CNTNAP5: variants seen among roughly 807,000 people sequenced by gnomAD.
CNTNAP5 encodes the protein contactin-associated protein-like 5.
Under a neutral mutation model 150.2 loss-of-function variants are expected in CNTNAP5, and 72 were observed. The observed-to-expected ratio is 0.48, with a 90% CI of 0.40 to 0.58. The LOEUF is 0.58. Ranked by LOEUF, CNTNAP5 falls within the 20% of genes least tolerant of loss-of-function variation. The pLI is 0.00. For missense variants in CNTNAP5, 1,636 were observed against 1,626.2 expected (o/e 1.01, Z -0.10); for synonymous variants, 672 against 619.8 (o/e 1.08, Z -1.25).
chr2:124,392,302 A>C (rs577617666), intron 3 of CNTNAP5, among the ~76,000 whole-genome samples: 112 of 152,284 alleles, frequency 7.4e-4, no homozygotes, highest in African/African-American at 2.5e-3. Flanking sequence ...ATGCTCAACA[A>C]CTGCCCATGA....
intron 12 of CNTNAP5, among the ~76,000 whole-genome samples, chr2:124,621,821 T>C (rs960038407): frequency 6.6e-6 from 1 of 152,146 alleles, no homozygotes; most frequent in African/African-American, 2.4e-5. Context: ...TCTTAGGATG[T>C]TGTTAATTTT....
intron 19 of CNTNAP5, among the ~76,000 whole-genome samples, chr2:124,814,632 C>T (rs7589109): frequency 0.047 from 7,112 of 151,834 alleles, 523 homozygotes; most frequent in African/African-American, 0.16. Context: ...GGTTCATCTT[C>T]AAAAGAGTTC....
chr2:124,209,808 G>A (rs1685961513), intron 1 of CNTNAP5, among the ~76,000 whole-genome samples: 1 of 152,114 alleles, frequency 6.6e-6, no homozygotes, highest in African/African-American at 2.4e-5. Flanking sequence ...ATACACAAAA[G>A]ACCCCATAAA....
chr2:124,045,660 C>T (rs894138101), intron 1 of CNTNAP5, among the ~76,000 whole-genome samples: 2 of 152,168 alleles, frequency 1.3e-5, no homozygotes, highest in African/African-American at 4.8e-5. Context: ...TATCTCTTAA[C>T]ACCCTCCGAT....
chr2:124,713,253 CT>C lies in CNTNAP5; in HGVS notation c.2078-33973del, dbSNP rs1200547202. Among the ~76,000 whole-genome samples the C allele has an allele frequency of 4.1e-4, 40 of 97,464 alleles. 7 individuals carry two copies. The highest frequency in any genetic ancestry group is 7.5e-4 in the Non-Finnish European group (34 of 45,128). The allele number at this position is 97,464 out of a possible 152,430, so 63.9% of individuals were successfully genotyped here. A position where few individuals can be genotyped will look rare whatever the true frequency, so the allele number is the denominator to read the frequency against. ...TTTCTTTCTTTCTTTCTCTTTCTTT[CT>C]TTCTTTCTTTCTTTCTTTCTTTCTT... On this transcript the variant is annotated intron_variant, in intron 13 of 23. Coordinates refer to ENST00000682447, the MANE Select transcript of CNTNAP5 (RefSeq NM_001367498.1).
intron 4 of CNTNAP5, among the ~76,000 whole-genome samples, chr2:124,431,276 GA>G (rs1692371888): frequency 1.3e-5 from 2 of 152,068 alleles, no homozygotes; most frequent in Non-Finnish European, 2.9e-5. Context: ...TCATAGTAAC[GA>G]TGATGAATGG....
rs1251966994 is a variant in CNTNAP5 at position 124,434,517 on chromosome 2, C to T, written c.563C>T (p.Ser188Leu). ...SDVADFDGRS[S>L]LLYRFNQKLM... ...GTTGCTGACTTTGATGGCCGAAGCT[C>T]ACTTCTGTACAGGTTCAATCAGAAG... The change falls in exon 5 of 24, where the codon TCA becomes TTA. Residue 188 changes from serine (S) to leucine (L), a missense_variant. Transcript: ENST00000682447. 2.5e-6 allele frequency: 4 copies of T among 1,613,782 alleles called. No homozygotes were observed. The African/African-American group carries it at 4.0e-5, about 16-fold the overall frequency.
At chr2:124,497,880 C>T (rs1694189264) in intron 7 of CNTNAP5, among the ~76,000 whole-genome samples, 1 of 152,154 alleles carries the variant, frequency 6.6e-6, no homozygotes, top group African/African-American at 2.4e-5. Context: ...TGAAGTTCTT[C>T]GTCTGTGTAA....
intron 3 of CNTNAP5, among the ~76,000 whole-genome samples, chr2:124,282,780 T>G (rs1688045333): frequency 6.6e-6 from 1 of 152,120 alleles, no homozygotes; most frequent in Admixed American, 6.6e-5. Context: ...AAAGAACAGT[T>G]TTTCTAAAGT....
At chr2:124,715,759 C>G (rs1679931731) in intron 13 of CNTNAP5, among the ~76,000 whole-genome samples, 2 of 152,134 alleles carry the variant, frequency 1.3e-5, no homozygotes, top group African/African-American at 4.8e-5. Context: ...GGTGACAATA[C>G]TCTCCCGAAA....
At chr2:124,258,317 A>G (rs1288221357) in intron 3 of CNTNAP5, among the ~76,000 whole-genome samples, 3 of 152,192 alleles carry the variant, frequency 2.0e-5, no homozygotes, top group Non-Finnish European at 4.4e-5. Context: ...CTCTTTGTAC[A>G]TGACCAAAGA....
chr2:124,870,624 C>T (rs1677725742), intron 21 of CNTNAP5, among the ~76,000 whole-genome samples: 1 of 150,946 alleles, frequency 6.6e-6, no homozygotes, highest in Non-Finnish European at 1.5e-5. Context: ...CTGACTCTCT[C>T]TCTATCACAG....
chr2:124,557,995 G>A (rs901691302), intron 10 of CNTNAP5, among the ~76,000 whole-genome samples: 1 of 152,136 alleles, frequency 6.6e-6, no homozygotes, highest in African/African-American at 2.4e-5. Context: ...AGATCAATAA[G>A]AACTGGAAGA....
chr2:124,764,043 C>A lies in CNTNAP5; in HGVS notation c.2429C>A (p.Ala810Glu), dbSNP rs779303965. 17 of 1,612,942 alleles carry A rather than the reference C, an allele frequency of 1.1e-5. No individual in the cohort carries two copies. Among genetic ancestry groups the A allele is most frequent in the Non-Finnish European group, 1.3e-5 (15 of 1,179,212 alleles). The stretch of plus-strand genomic sequence containing the variant: ...TACCTCCACTTTCCTACCTTCCATG[C>A]GGAATTCAGTGCCGATATTTCCTTC... The part of the protein sequence containing the change: ...ASYLHFPTFH[A>E]EFSADISFFF... The change falls in exon 16 of 24, where the codon GCG (alanine) becomes GAG (glutamate). Residue 810 changes from alanine to glutamate, a missense_variant. Ala to Glu is a moderately radical substitution (Grantham distance 107). Coordinates refer to ENST00000682447, the MANE Select transcript of CNTNAP5 (RefSeq NM_001367498.1).
chr2:124,569,717 C>A (rs1218349455), intron 11 of CNTNAP5, among the ~76,000 whole-genome samples: 1 of 152,210 alleles, frequency 6.6e-6, no homozygotes, highest in East Asian at 1.9e-4. Flanking sequence ...CCCTTTAGCT[C>A]ATTTTTCAGC....
At chr2:124,252,270 G>C (rs574173423) in intron 3 of CNTNAP5, among the ~76,000 whole-genome samples, 1 of 152,296 alleles carries the variant, frequency 6.6e-6, no homozygotes, top group South Asian at 2.1e-4. Flanking sequence ...TAATAGGCAC[G>C]TAATTTAAGG....
At chr2:124,248,383 T>G (rs566868303) in intron 3 of CNTNAP5, among the ~76,000 whole-genome samples, 2 of 152,302 alleles carry the variant, frequency 1.3e-5, no homozygotes, top group East Asian at 1.9e-4. Context: ...CAGCTTAGAA[T>G]AGTCAACTAA....
chr2:124,214,958 G>A (rs951406334), intron 1 of CNTNAP5, among the ~76,000 whole-genome samples: 2 of 152,120 alleles, frequency 1.3e-5, no homozygotes, highest in Non-Finnish European at 2.9e-5. Flanking sequence ...ATGAAGTAAT[G>A]TATCTTTTAG....
At chr2:124,696,370 G>A (rs776517728) in intron 13 of CNTNAP5, among the ~76,000 whole-genome samples, 2 of 152,132 alleles carry the variant, frequency 1.3e-5, no homozygotes, top group Admixed American at 1.3e-4. Context: ...AAAAAGGCTT[G>A]TGATCTTTTC....
Sources: allele counts gnomAD v4.1 joint callset (sites outside exome capture counted in the v4.1 genomes callset), GRCh38; gene constraint gnomAD v4.1.1; transcripts MANE v1.5; gene names NCBI Gene and HGNC (gene_info 2026-07-23, HGNC 2026-07-21).